The following TMEM229B variants were observed in gnomAD, a reference collection of about 807,000 sequenced individuals.
The protein encoded by TMEM229B is chromosome 14 open reading frame 83.
In TMEM229B, 6 loss-of-function variants were observed where a neutral mutation model predicts 13.7. The observed-to-expected ratio is 0.44, with a 90% confidence interval of 0.24 to 0.86. The LOEUF (loss-of-function observed/expected upper bound fraction) is 0.86, where lower values mean the gene tolerates loss of function less well. TMEM229B is among the 40% of genes least tolerant of loss of function. TMEM229B has a pLI of 0.23. For missense variants in TMEM229B, 170 were observed against 236.0 expected, an observed-to-expected ratio of 0.72 and a Z score of 1.83; for synonymous variants, 107 against 102.1, an observed-to-expected ratio of 1.05 and a Z score of -0.29.
intron 1 of TMEM229B, among the ~76,000 whole-genome samples, chr14:67,514,675 C>T (rs920691264): frequency 6.6e-6 from 1 of 152,150 alleles, no homozygotes; most frequent in Non-Finnish European, 1.5e-5. Flanking sequence ...ACTGTCACCC[C>T]CCTCCACCCT....
At chr14:67,483,403 A>T (rs1455809934) in intron 2 of TMEM229B, among the ~76,000 whole-genome samples, 2 of 152,204 alleles carry the variant, frequency 1.3e-5, no homozygotes, top group Non-Finnish European at 2.9e-5. Flanking sequence ...AGCACACTGC[A>T]CTGCCCCCGA....
chr14:67,516,315 C>G (rs542377338), upstream of TMEM229B, among the ~76,000 whole-genome samples: 1 of 152,238 alleles, frequency 6.6e-6, no homozygotes, highest in East Asian at 1.9e-4. Flanking sequence ...GGAGAGGGTA[C>G]CCTTTCTAAT....
At chr14:67,488,009 G>C (rs1017473588) in intron 1 of TMEM229B, among the ~76,000 whole-genome samples, 1 of 152,212 alleles carries the variant, frequency 6.6e-6, no homozygotes, top group Non-Finnish European at 1.5e-5. Flanking sequence ...TAATATGAAA[G>C]TGCTAAAGCT....
upstream of TMEM229B, among the ~76,000 whole-genome samples, chr14:67,519,514 C>T (rs2033257473): frequency 6.6e-6 from 1 of 152,158 alleles, no homozygotes; most frequent in South Asian, 2.1e-4. Flanking sequence ...CCCTCTTGGA[C>T]AGGGAAGGGT....
chr14:67,478,767 T>C (rs1311339063), intron 2 of TMEM229B, among the ~76,000 whole-genome samples: 1 of 152,104 alleles, frequency 6.6e-6, no homozygotes, highest in East Asian at 1.9e-4. Context: ...AGGACTTTCC[T>C]AAGCACCCTG....
Position 67,494,219 on chromosome 14 carries a change from A to C in TMEM229B, c.-191-7047T>G, listed in dbSNP as rs185749339. ...GAGTAATTAAAGGGAATGTTATCTC[A>C]GTCAGTCTCTCATTAACCATGTAAT... On this transcript the variant is annotated intron_variant, in intron 1 of 2. Transcript: ENST00000357461. 4.5e-3 allele frequency among the ~76,000 whole-genome samples: 680 copies of C among 152,330 alleles called. 14 individuals carry two copies. The highest frequency in any genetic ancestry group is 3.4e-3 in the Non-Finnish European group (234 of 68,032).
chr14:67,479,929 C>G (rs1177503339), intron 2 of TMEM229B, among the ~76,000 whole-genome samples: 1 of 152,064 alleles, frequency 6.6e-6, no homozygotes, highest in African/African-American at 2.4e-5. Context: ...GTTCAGGGAC[C>G]CCAGATGATC....
chr14:67,509,643 T>C (rs1303180097), intron 1 of TMEM229B, among the ~76,000 whole-genome samples: 1 of 152,172 alleles, frequency 6.6e-6, no homozygotes, highest in African/African-American at 2.4e-5. Context: ...TGTGTTAACC[T>C]ATACTGCCTC....
intron 1 of TMEM229B, among the ~76,000 whole-genome samples, chr14:67,496,971 T>C (rs2032415997): frequency 6.6e-6 from 1 of 152,014 alleles, no homozygotes; most frequent in Non-Finnish European, 1.5e-5. Flanking sequence ...CTAATTTTTG[T>C]ATTTTTAGTA....
At chr14:67,502,794 T>G (rs1023399109) in intron 1 of TMEM229B, among the ~76,000 whole-genome samples, 1 of 152,074 alleles carries the variant, frequency 6.6e-6, no homozygotes, top group Non-Finnish European at 1.5e-5. Context: ...CAAAGCAGAG[T>G]GACCACAGGG....
intron 2 of TMEM229B, among the ~76,000 whole-genome samples, chr14:67,482,946 A>C (rs915712006): frequency 3.9e-5 from 6 of 152,182 alleles, no homozygotes; most frequent in Non-Finnish European, 7.3e-5. Flanking sequence ...TATTAACTCA[A>C]AAAATTCTCA....
chr14:67,517,627 C>T (rs1183641418), upstream of TMEM229B, among the ~76,000 whole-genome samples: 3 of 152,182 alleles, frequency 2.0e-5, no homozygotes, highest in African/African-American at 7.2e-5. Context: ...TCTACTTTCT[C>T]CAGCTCTCCA....
rs879488182 is a variant in TMEM229B, at chr14:67,471,281, T to C, written c.*2139A>G. On this transcript the variant is annotated 3_prime_UTR_variant, in exon 3 of 3. Transcript: ENST00000554480. ...AAGGATTTGCTCTGGCTGAGAATTA[T>C]GGAGGCATCAACAAGCTGGCCACTG... 8 of 152,020 alleles carry C rather than the reference T, an allele frequency of 5.3e-5. No individual in the cohort carries two copies. The highest frequency in any genetic ancestry group is 8.8e-5 in the Non-Finnish European group (6 of 68,044). 9.4% of individuals were successfully genotyped at this position (152,020 alleles called of 1,614,324 possible).
At chr14:67,496,151 T>C (rs1007567259) in intron 1 of TMEM229B, among the ~76,000 whole-genome samples, 3 of 152,278 alleles carry the variant, frequency 2.0e-5, no homozygotes, top group African/African-American at 7.2e-5. Flanking sequence ...ATGGTGCCAC[T>C]GTACTCCAGC....
At chr14:67,533,742 C>G (rs1358924405), upstream of TMEM229B, 1 of 152,038 alleles carries the variant, frequency 6.6e-6, no homozygotes, top group Non-Finnish European at 1.5e-5. Flanking sequence ...CACCCCTTCC[C>G]GCACCCCTCC....
rs566865290 is a variant in TMEM229B, at chr14:67,521,971, T to C, written c.-192+11665A>G. On this transcript the variant is annotated intron_variant, in intron 1 of 2. Transcript: ENST00000554278. ...GCGGGTGGATCACGAGGTCAAGAGT[T>C]CAATATCAGCCTGACTAACATAGTG... is the stretch of plus-strand genomic sequence containing the variant. Among the ~76,000 whole-genome samples the C allele has an allele frequency of 5.9e-5, 9 of 152,048 alleles. No individual in the cohort carries two copies. The South Asian group carries it at 1.7e-3, about 28-fold the overall frequency.
At chr14:67,519,644 C>T (rs1392604611), upstream of TMEM229B, among the ~76,000 whole-genome samples, 7 of 151,530 alleles carry the variant, frequency 4.6e-5, no homozygotes, top group African/African-American at 7.3e-5. Flanking sequence ...CCCCAAACAG[C>T]GAAAGTCCAG....
chr14:67,484,148 G>T (rs1005958122), intron 2 of TMEM229B, among the ~76,000 whole-genome samples: 2 of 152,150 alleles, frequency 1.3e-5, no homozygotes, highest in African/African-American at 2.4e-5. Context: ...TTTCTACATA[G>T]CACTTTCACT....
At chr14:67,497,568 C>G (rs1258121458) in intron 1 of TMEM229B, among the ~76,000 whole-genome samples, 2 of 152,180 alleles carry the variant, frequency 1.3e-5, no homozygotes, top group Non-Finnish European at 2.9e-5. Context: ...CTGGACATCA[C>G]AGAGGTAAAA....
Sources: allele counts gnomAD v4.1 joint callset (sites outside exome capture counted in the v4.1 genomes callset), GRCh38; gene constraint gnomAD v4.1.1; transcripts MANE v1.5; gene names NCBI Gene and HGNC (gene_info 2026-07-23, HGNC 2026-07-21).